MSL2: variants seen among roughly 807,000 people sequenced by gnomAD.
The protein encoded by MSL2 is MSL complex subunit 2, also known as E3 ubiquitin-protein ligase MSL2.
In MSL2, 2 loss-of-function variants were observed where a neutral mutation model predicts 35.8. The ratio of observed to expected loss-of-function variants is 0.06; its 90% confidence interval spans 0.02 to 0.18. The LOEUF (loss-of-function observed/expected upper bound fraction) is 0.18. Among genes scored for constraint, MSL2 ranks in the 10% least tolerant of loss-of-function variants. MSL2 has a pLI of 1.00. For synonymous variants in MSL2, 296 were observed against 255.7 expected (o/e 1.16, Z -1.50); for missense variants, 523 against 706.7 (o/e 0.74, Z 2.95).
chr3:136,159,650 G>A (rs932414843), intron 1 of MSL2, among the ~76,000 whole-genome samples: 15 of 151,768 alleles, frequency 9.9e-5, no homozygotes, highest in South Asian at 8.3e-4. Flanking sequence ...GATTACAGGC[G>A]TGAGCCACCA....
At chr3:136,169,501 T>G (rs1043890221) in intron 1 of MSL2, among the ~76,000 whole-genome samples, 2 of 152,110 alleles carry the variant, frequency 1.3e-5, no homozygotes, top group Non-Finnish European at 2.9e-5. Flanking sequence ...TAGGCTGCAG[T>G]GGAGTGGCAT....
intron 1 of MSL2, among the ~76,000 whole-genome samples, chr3:136,178,489 G>C (rs189094891): frequency 2.4e-4 from 36 of 151,176 alleles, no homozygotes; most frequent in Admixed American, 2.1e-3. Flanking sequence ...ATATTCTATA[G>C]GTGTCAAAAA....
rs1940834084 is a variant in MSL2 at position 136,196,014 on chromosome 3, A to C, written c.-901T>G. 2 of 176,740 alleles carry C rather than the reference A, an allele frequency of 1.1e-5. No homozygotes were observed. The highest frequency in any genetic ancestry group is 1.7e-4 in the South Asian group (1 of 5,728). 10.9% of individuals were successfully genotyped at this position (176,740 alleles called of 1,614,324 possible). On this transcript the variant is annotated 5_prime_UTR_variant, in exon 1 of 2. Coordinates refer to ENST00000309993, the MANE Select transcript of MSL2 (RefSeq NM_018133.4). ...ACACACACAGACGACTCCTCCGCCGAGCACGACGGCCGCCGCCGCCCTCAG... is the reference window on the plus strand; with the variant it reads ...ACACACACAGACGACTCCTCCGCCGCGCACGACGGCCGCCGCCGCCCTCAG...
chr3:136,163,162 G>A (rs757780633), intron 1 of MSL2, among the ~76,000 whole-genome samples: 2 of 152,094 alleles, frequency 1.3e-5, no homozygotes, highest in Non-Finnish European at 2.9e-5. Context: ...GGAAGGCTAC[G>A]GCAGGAGAAC....
chr3:136,159,640 G>C (rs967348987), intron 1 of MSL2, among the ~76,000 whole-genome samples: 2 of 151,464 alleles, frequency 1.3e-5, no homozygotes, highest in African/African-American at 4.8e-5. Flanking sequence ...AAAGTGCTGC[G>C]ATTACAGGCG....
At chr3:136,158,319 TA>T (rs75588256) in intron 1 of MSL2, among the ~76,000 whole-genome samples, 503 of 122,798 alleles carry the variant, frequency 4.1e-3, no homozygotes, top group Admixed American at 4.5e-3. Flanking sequence ...AAATTAAAAT[TA>T]AAAAAAAAAA....
intron 1 of MSL2, among the ~76,000 whole-genome samples, chr3:136,168,920 T>C (rs1218978262): frequency 1.3e-5 from 2 of 151,894 alleles, no homozygotes; most frequent in African/African-American, 2.4e-5. Context: ...TAAGCATAGC[T>C]ACAATCATAT....
intron 1 of MSL2, among the ~76,000 whole-genome samples, chr3:136,156,902 T>A (rs964843068): frequency 3.9e-5 from 6 of 152,302 alleles, no homozygotes; most frequent in African/African-American, 1.2e-4. Context: ...TCCTCCAAGC[T>A]ATGCAATCCT....
At chr3:136,190,991 T>C (rs753372793) in intron 1 of MSL2, among the ~76,000 whole-genome samples, 3 of 152,144 alleles carry the variant, frequency 2.0e-5, no homozygotes, top group Non-Finnish European at 4.4e-5. Flanking sequence ...CTAATTAACA[T>C]ATCAAAGAAC....
chr3:136,180,366 T>C (rs1940305715), intron 1 of MSL2, among the ~76,000 whole-genome samples: 1 of 152,128 alleles, frequency 6.6e-6, no homozygotes, highest in Admixed American at 6.6e-5. Context: ...CACTGTATTT[T>C]CTCTTTTTAA....
At chr3:136,168,875 C>T (rs555824213) in intron 1 of MSL2, among the ~76,000 whole-genome samples, 79 of 152,178 alleles carry the variant, frequency 5.2e-4, no homozygotes, top group African/African-American at 1.8e-3. Context: ...ACAGCCACTG[C>T]TTTCCAAATG....
intron 1 of MSL2, among the ~76,000 whole-genome samples, chr3:136,158,031 G>A (rs1035866341): frequency 5.9e-5 from 9 of 152,088 alleles, no homozygotes; most frequent in Non-Finnish European, 8.8e-5. Flanking sequence ...AATACAAACC[G>A]CCGGGAGCAG....
chr3:136,159,576 T>C (rs1224284975), intron 1 of MSL2, among the ~76,000 whole-genome samples: 1 of 151,072 alleles, frequency 6.6e-6, no homozygotes, highest in Non-Finnish European at 1.5e-5. Flanking sequence ...TTCACCGTGT[T>C]AGCCAGGATG....
intron 1 of MSL2, among the ~76,000 whole-genome samples, chr3:136,162,022 C>G (rs1939720066): frequency 6.6e-6 from 1 of 151,912 alleles, no homozygotes; most frequent in Non-Finnish European, 1.5e-5. Context: ...ACTACAACCT[C>G]TGCCTCCTGG....
chr3:136,176,317 C>T (rs534575350), intron 1 of MSL2, among the ~76,000 whole-genome samples: 2 of 151,954 alleles, frequency 1.3e-5, no homozygotes, highest in Non-Finnish European at 2.9e-5. Context: ...AGTTCAAGAC[C>T]AGCCTGGGCA....
intron 1 of MSL2, among the ~76,000 whole-genome samples, chr3:136,168,418 A>G (rs1576363740): frequency 1.3e-5 from 2 of 152,336 alleles, no homozygotes; most frequent in Admixed American, 1.3e-4. Context: ...AAACCATGGA[A>G]TACTACGCAG....
At chr3:136,165,469 C>T (rs1337584831) in intron 1 of MSL2, among the ~76,000 whole-genome samples, 2 of 152,098 alleles carry the variant, frequency 1.3e-5, no homozygotes, top group African/African-American at 4.8e-5. Context: ...AAATTTAAGG[C>T]TAAGACATAG....
intron 1 of MSL2, chr3:136,153,174 C>T (rs943718465): frequency 3.6e-5 from 19 of 523,876 alleles, no homozygotes; most frequent in Middle Eastern, 9.5e-4. Flanking sequence ...GTTCAGGCTA[C>T]GGTGAACTAT....
chr3:136,162,291 A>G lies in MSL2; in HGVS notation c.143-9553T>C, dbSNP rs1356870835. ...AGGTTTTTAAAAAAAAAAAAAAAAG[A>G]GGGCTACCAGGCCAGGTGTGGTGGC... On this transcript the variant is annotated intron_variant, in intron 1 of 1. Transcript: ENST00000309993. Among the ~76,000 whole-genome samples, 4 of 148,816 alleles carry G rather than the reference A, an allele frequency of 2.7e-5. No homozygotes were observed. In the East Asian group the frequency reaches 5.9e-4, roughly 22 times the overall value.
Sources: gnomAD v4.1 joint callset for allele counts (sites outside exome capture counted in the v4.1 genomes callset) on GRCh38, gnomAD v4.1.1 for gene constraint, MANE v1.5 for transcripts, NCBI Gene and HGNC (gene_info 2026-07-23, HGNC 2026-07-21) for gene names.